The following ABTB3 variants were observed in gnomAD, a reference collection of about 807,000 sequenced individuals.
ABTB3 encodes the protein ankyrin repeat and BTB domain containing 3.
chr12:107,416,274 G>C, the ABTB3 span, among the ~76,000 whole-genome samples: 1 of 152,176 alleles, frequency 6.6e-6, no homozygotes, highest in Non-Finnish European at 1.5e-5. Flanking sequence ...CCTAGAGAGA[G>C]AGGTATTGAA....
At chr12:107,460,824 A>T in the ABTB3 span, among the ~76,000 whole-genome samples, 6 of 152,196 alleles carry the variant, frequency 3.9e-5, no homozygotes, top group African/African-American at 1.4e-4. Flanking sequence ...ATATTAAATA[A>T]TTTTTTAAAA....
chr12:107,577,940 C>A, the ABTB3 span, among the ~76,000 whole-genome samples: 4 of 152,026 alleles, frequency 2.6e-5, no homozygotes, highest in Non-Finnish European at 5.9e-5. Flanking sequence ...CCTCAAGCTT[C>A]TTTTGGGTTT....
chr12:107,523,255 G>C, the ABTB3 span, among the ~76,000 whole-genome samples: 1 of 152,144 alleles, frequency 6.6e-6, no homozygotes, highest in East Asian at 1.9e-4. Flanking sequence ...CATAGGGGGC[G>C]CTTATGGCCA....
the ABTB3 span, among the ~76,000 whole-genome samples, chr12:107,531,474 C>G: frequency 4.6e-5 from 7 of 152,154 alleles, no homozygotes; most frequent in Non-Finnish European, 8.8e-5. Context: ...AGAAGACAGA[C>G]TGGATTAGCT....
chr12:107,635,007 A>C, the ABTB3 span: 1 of 296,782 alleles, frequency 3.4e-6, no homozygotes, highest in South Asian at 1.5e-4. Context: ...AACTACAAAA[A>C]CCTGCTTTCC....
At chr12:107,425,152 C>T in the ABTB3 span, among the ~76,000 whole-genome samples, 45 of 152,330 alleles carry the variant, frequency 3.0e-4, no homozygotes, top group African/African-American at 9.9e-4. Flanking sequence ...CGACAGTCCA[C>T]GGCCCTGCCA....
At chr12:107,357,186 T>A in the ABTB3 span, among the ~76,000 whole-genome samples, 1 of 152,234 alleles carries the variant, frequency 6.6e-6, no homozygotes, top group African/African-American at 2.4e-5. Flanking sequence ...CTTATCTGTT[T>A]GCCCAGCATT....
At chr12:107,499,902 T>C in the ABTB3 span, among the ~76,000 whole-genome samples, 1 of 152,208 alleles carries the variant, frequency 6.6e-6, no homozygotes, top group African/African-American at 2.4e-5. Flanking sequence ...GCCAGACTGG[T>C]CTTGAACTCC....
chr12:107,435,199 T>C, the ABTB3 span, among the ~76,000 whole-genome samples: 3 of 152,368 alleles, frequency 2.0e-5, no homozygotes, highest in East Asian at 3.9e-4. Context: ...TGTGGGCACA[T>C]GTGTTTATGG....
chr12:107,615,216 A>T, the ABTB3 span: 1 of 1,403,898 alleles, frequency 7.1e-7, no homozygotes, highest in African/African-American at 1.4e-5. Flanking sequence ...CTCTTCCATA[A>T]CACACATCTA....
the ABTB3 span, among the ~76,000 whole-genome samples, chr12:107,655,188 G>A: frequency 1.3e-5 from 2 of 152,100 alleles, no homozygotes; most frequent in Non-Finnish European, 2.9e-5. Flanking sequence ...AATGTCGCCT[G>A]ATGGGATGTG....
the ABTB3 span, among the ~76,000 whole-genome samples, chr12:107,529,878 G>A: frequency 6.6e-6 from 1 of 152,180 alleles, no homozygotes; most frequent in Non-Finnish European, 1.5e-5. Flanking sequence ...TTGAAACTCA[G>A]TAGGGAAAGT....
chr12:107,418,745 C>G, the ABTB3 span, among the ~76,000 whole-genome samples: 2 of 152,182 alleles, frequency 1.3e-5, no homozygotes, highest in African/African-American at 4.8e-5. Flanking sequence ...GAGCAGGACC[C>G]CACGCTTCTC....
chr12:107,538,831 T>C, the ABTB3 span, among the ~76,000 whole-genome samples: 2 of 152,082 alleles, frequency 1.3e-5, no homozygotes, highest in South Asian at 2.1e-4. Context: ...CCCCACAAAG[T>C]GGGCCCCACT....
chr12:107,610,449 C>G, the ABTB3 span: 5 of 1,458,344 alleles, frequency 3.4e-6, no homozygotes, highest in Non-Finnish European at 4.7e-6. Flanking sequence ...CCTCTGCAGG[C>G]GCTGGGCAGA....
At chr12:107,557,566 C>A in the ABTB3 span, among the ~76,000 whole-genome samples, 1 of 151,922 alleles carries the variant, frequency 6.6e-6, no homozygotes, top group East Asian at 1.9e-4. Context: ...TATTATTAAG[C>A]TTTTATCAGC....
the ABTB3 span, among the ~76,000 whole-genome samples, chr12:107,632,728 G>A: frequency 6.6e-6 from 1 of 152,216 alleles, no homozygotes; most frequent in African/African-American, 2.4e-5. Context: ...GGAGTCAGCA[G>A]GATTGTGTTC....
At chr12:107,479,631 A>G in the ABTB3 span, among the ~76,000 whole-genome samples, 2 of 151,972 alleles carry the variant, frequency 1.3e-5, no homozygotes, top group Admixed American at 1.3e-4. Flanking sequence ...TTAATTGGTT[A>G]TTATCATTTC....
the ABTB3 span, among the ~76,000 whole-genome samples, chr12:107,412,645 C>T: frequency 1.1e-3 from 169 of 152,228 alleles, no homozygotes; most frequent in African/African-American, 4.0e-3. Context: ...CCAGTCAACT[C>T]GAAGCCTAGT....
Sources: allele counts gnomAD v4.1 joint callset (sites outside exome capture counted in the v4.1 genomes callset), GRCh38; gene constraint gnomAD v4.1.1; transcripts MANE v1.5; gene names NCBI Gene and HGNC (gene_info 2026-07-23, HGNC 2026-07-21).